The following B4GALT6 variants were observed in gnomAD, a reference collection of about 807,000 sequenced individuals.
B4GALT6 encodes the protein UDP-Gal:beta-GlcNAc beta-1,4-galactosyltransferase 6.
Under a neutral mutation model 46.3 loss-of-function variants are expected in B4GALT6, and 14 were observed. That is an observed-to-expected ratio of 0.30 (90% CI 0.20 to 0.47). The LOEUF is 0.47. B4GALT6 is among the 20% of genes least tolerant of loss of function. B4GALT6 has a pLI of 0.99. For synonymous variants in B4GALT6, 168 were observed against 162.0 expected (o/e 1.04, Z -0.28); for missense variants, 386 against 480.1 (o/e 0.80, Z 1.83).
chr18:31,700,403 A>C, the B4GALT6 span, among the ~76,000 whole-genome samples: 1 of 151,386 alleles, frequency 6.6e-6, no homozygotes, highest in African/African-American at 2.4e-5. Context: ...TTTTGCTTCA[A>C]GTGCTTATGG....
At chr18:31,684,792 C>T (rs1396520964), upstream of B4GALT6, 2 of 1,035,422 alleles carry the variant, frequency 1.9e-6, no homozygotes, top group Non-Finnish European at 2.3e-6. Context: ...TGGGAGGAGG[C>T]GCAGGCTGCG....
At chr18:31,688,244 AGT>A (rs1393154924), upstream of B4GALT6, among the ~76,000 whole-genome samples, 1 of 96,896 alleles carries the variant, frequency 1.0e-5, no homozygotes, top group African/African-American at 7.4e-5. Context: ...CATATAATTG[AGT>A]GTATATATAT....
intron 3 of B4GALT6, among the ~76,000 whole-genome samples, chr18:31,649,389 A>G (rs1326180519): frequency 6.6e-6 from 1 of 152,206 alleles, no homozygotes; most frequent in Non-Finnish European, 1.5e-5. Context: ...ATGAATGAGT[A>G]GGAAGATTCC....
At chr18:31,693,213 G>A in the B4GALT6 span, among the ~76,000 whole-genome samples, 1 of 152,174 alleles carries the variant, frequency 6.6e-6, no homozygotes, top group Admixed American at 6.5e-5. Context: ...AGAGGCTGAG[G>A]CAGAGAACAC....
In B4GALT6 at chr18:31,684,412, C is replaced by G. The variant is rs1251410870; in HGVS notation, c.15G>C (p.Arg5Ser). 5.6e-6 allele frequency: 9 copies of G among 1,613,556 alleles called. No homozygotes were observed. Among genetic ancestry groups the G allele is most frequent in the African/African-American group, 1.3e-5 (1 of 74,856 alleles). Residue 5 changes from arginine (R) to serine (S), a missense_variant, in exon 1 of 9, where the codon AGG becomes AGC. Transcript: ENST00000306851. MSVL[R>S]RMMRVSNRSL... Reference sequence around the variant, plus strand: ...AGCGATTGGAAACCCGCATCATCCGCCTGAGCACAGACATCTTCCTCTTCC... The same window carrying G: ...AGCGATTGGAAACCCGCATCATCCGGCTGAGCACAGACATCTTCCTCTTCC...
chr18:31,639,470 T>C (rs1045823487), intron 4 of B4GALT6, among the ~76,000 whole-genome samples: 2 of 152,164 alleles, frequency 1.3e-5, no homozygotes, highest in African/African-American at 4.8e-5. Context: ...AAAACCTCAA[T>C]CATACATGAT....
At chr18:31,631,296 C>G (rs1207480965) in intron 5 of B4GALT6, 150 bp from the exon 6 acceptor site, 4 of 785,528 alleles carry the variant, frequency 5.1e-6, no homozygotes, top group East Asian at 6.0e-5. Flanking sequence ...TCGTGATCCA[C>G]CCACCTCAGC....
At chr18:31,722,891 A>G in the B4GALT6 span, among the ~76,000 whole-genome samples, 1 of 152,352 alleles carries the variant, frequency 6.6e-6, no homozygotes, top group Admixed American at 6.5e-5. Flanking sequence ...GTCAAAAAAT[A>G]TCAGCTAGAA....
At position 31,625,631 on chromosome 18, in the gene B4GALT6, G is replaced by C. The variant is rs770351981; in HGVS notation, c.1132C>G (p.Pro378Ala). The C allele has an allele frequency of 2.5e-6, 4 of 1,613,164 alleles. No homozygotes were observed. Among genetic ancestry groups the C allele is most frequent in the Non-Finnish European group, 3.4e-6 (4 of 1,179,656 alleles). ...ISVNLMPELAPIEDY is the reference protein window; with the variant it reads ...ISVNLMPELAAIEDY ...CACTTCTTTTAATAGTCTTCGATTG[G>C]AGCTAACTCTGGCATGAGGTTTACA... Residue 378 changes from proline to alanine, a missense_variant, in exon 9 of 9, where the codon CCA (proline) becomes GCA (alanine). Coordinates refer to ENST00000306851, the MANE Select transcript of B4GALT6 (RefSeq NM_004775.5).
chr18:31,704,420 T>A, the B4GALT6 span, among the ~76,000 whole-genome samples: 1 of 151,990 alleles, frequency 6.6e-6, no homozygotes, highest in South Asian at 2.1e-4. Flanking sequence ...ACCAGGCTGG[T>A]CTCGAATTCC....
At chr18:31,648,167 G>A (rs1407704786) in intron 3 of B4GALT6, among the ~76,000 whole-genome samples, 1 of 152,098 alleles carries the variant, frequency 6.6e-6, no homozygotes, top group African/African-American at 2.4e-5. Context: ...TCTCCTCTGT[G>A]GTGAATCTGA....
the B4GALT6 span, among the ~76,000 whole-genome samples, chr18:31,692,003 A>G: frequency 6.6e-6 from 1 of 152,206 alleles, no homozygotes; most frequent in African/African-American, 2.4e-5. Flanking sequence ...TAGAAATGGA[A>G]GCACCTGGCA....
Position 31,645,446 on chromosome 18 carries a change from C to T in B4GALT6, c.380G>A (p.Ser127Asn). 1.2e-6 allele frequency: 2 copies of T among 1,613,152 alleles called. No homozygotes were observed. The highest frequency in any genetic ancestry group is 2.2e-5 in the South Asian group (2 of 90,736). The change falls in exon 4 of 9, where the codon AGT becomes AAT. Residue 127 changes from serine to asparagine, a missense_variant. Physicochemically the swap from Ser to Asn is conservative, Grantham distance 46. Coordinates refer to ENST00000306851, the MANE Select transcript of B4GALT6 (RefSeq NM_004775.5). ...GAAGAGTTGATGAATTTCATCAAAA[C>T]TGACTTCGCTTACATTGACATTGAG... ...GFLNVNVSEV[S>N]FDEIHQLFSK...
chr18:31,684,841 G>C (rs1057449891), upstream of B4GALT6: 16 of 889,344 alleles, frequency 1.8e-5, no homozygotes, highest in African/African-American at 2.9e-4. Context: ...GCTAACTGCA[G>C]CACGCCCGGC....
intron 3 of B4GALT6, among the ~76,000 whole-genome samples, chr18:31,652,174 A>T (rs150390770): frequency 7.3e-4 from 111 of 151,910 alleles, no homozygotes; most frequent in African/African-American, 2.5e-3. Flanking sequence ...CCTTTACCCC[A>T]ATCTCCTTCC....
the B4GALT6 span, among the ~76,000 whole-genome samples, chr18:31,715,537 C>CTTTTTTTTT: frequency 5.2e-4 from 26 of 49,628 alleles, 1 homozygote; most frequent in East Asian, 3.5e-3. Context: ...CTGGAACTGT[C>CTTTTTTTTT]TTTTTTTTTT....
At chr18:31,717,050 C>T in the B4GALT6 span, among the ~76,000 whole-genome samples, 16 of 151,936 alleles carry the variant, frequency 1.1e-4, no homozygotes, top group African/African-American at 2.7e-4. Flanking sequence ...TTGCAGTGAG[C>T]GGATATCGTG....
chr18:31,685,707 G>A (rs1046903577), upstream of B4GALT6: 5 of 152,220 alleles, frequency 3.3e-5, no homozygotes, highest in African/African-American at 1.2e-4. Flanking sequence ...TACCCTGGGG[G>A]TACATAATGA....
At chr18:31,687,311 C>A (rs1423765938), upstream of B4GALT6, among the ~76,000 whole-genome samples, 4 of 152,180 alleles carry the variant, frequency 2.6e-5, no homozygotes, top group African/African-American at 7.2e-5. Flanking sequence ...TTTTAGAAAT[C>A]TCTCCTTGCA....
Sources: allele counts gnomAD v4.1 joint callset (sites outside exome capture counted in the v4.1 genomes callset), GRCh38; gene constraint gnomAD v4.1.1; transcripts MANE v1.5; gene names NCBI Gene and HGNC (gene_info 2026-07-23, HGNC 2026-07-21).